The following EGFR variants were observed in gnomAD, a reference collection of about 807,000 sequenced individuals.
EGFR encodes the protein avian erythroblastic leukemia viral (v-erb-b) oncogene homolog.
Under a neutral mutation model 143.0 loss-of-function variants are expected in EGFR, and 58 were observed. That is an observed-to-expected ratio of 0.41 (90% confidence interval 0.33 to 0.50). The LOEUF is 0.50. Among genes scored for constraint, EGFR ranks in the 20% least tolerant of loss-of-function variants. The pLI is 0.39. For synonymous variants in EGFR, 613 were observed against 594.4 expected (o/e 1.03, Z -0.45); for missense variants, 1,307 against 1,579.0 (o/e 0.83, Z 2.92).
At chr7:55,123,562 AG>A (rs1455606950) in intron 1 of EGFR, among the ~76,000 whole-genome samples, 1 of 152,094 alleles carries the variant, frequency 6.6e-6, no homozygotes, top group African/African-American at 2.4e-5. Context: ...ATATCTTCAG[AG>A]TCTACTGGTG....
intron 12 of EGFR, among the ~76,000 whole-genome samples, chr7:55,161,126 CA>C (rs1474870715): frequency 2.0e-5 from 3 of 152,214 alleles, no homozygotes; most frequent in Non-Finnish European, 2.9e-5. Flanking sequence ...GTTCCTTCAG[CA>C]GGGGCAGTGG....
At chr7:55,194,173 C>T (rs1444251563) in intron 22 of EGFR, among the ~76,000 whole-genome samples, 1 of 152,094 alleles carries the variant, frequency 6.6e-6, no homozygotes, top group African/African-American at 2.4e-5. Flanking sequence ...TCCCCTCTTC[C>T]CACTTGCTCC....
At chr7:55,093,357 G>A (rs1791243260) in intron 1 of EGFR, among the ~76,000 whole-genome samples, 1 of 152,184 alleles carries the variant, frequency 6.6e-6, no homozygotes, top group South Asian at 2.1e-4. Flanking sequence ...GTTGGGAATT[G>A]TGCTGTTCAT....
chr7:55,056,786 A>T (rs972672091), intron 1 of EGFR, among the ~76,000 whole-genome samples: 6 of 152,250 alleles, frequency 3.9e-5, no homozygotes, highest in Admixed American at 3.3e-4. Flanking sequence ...ATTGGATCCA[A>T]ATTCCACATG....
chr7:55,126,220 T>C (rs1486920750), intron 1 of EGFR, among the ~76,000 whole-genome samples: 1 of 152,228 alleles, frequency 6.6e-6, no homozygotes, highest in African/African-American at 2.4e-5. Flanking sequence ...ATTCAGTGAA[T>C]GTCTGTCTCC....
chr7:55,192,629 CGGGCCTGGGGGACG>C, intron 21 of EGFR, 123 bp from the exon 22 acceptor site: 1 of 780,780 alleles, frequency 1.3e-6, no homozygotes, highest in Non-Finnish European at 2.2e-6. Flanking sequence ...GAGGAGGCGC[CGGGCCTGGGGGACG>C]GGTCCTGGGG....
chr7:55,183,849 T>C (rs944603415), intron 20 of EGFR, among the ~76,000 whole-genome samples: 2 of 152,184 alleles, frequency 1.3e-5, no homozygotes, highest in African/African-American at 4.8e-5. Context: ...CCTTCCTCCG[T>C]TCATCAGAGG....
At chr7:55,170,647 C>T in intron 15 of EGFR, 1 of 1,598,784 alleles carries the variant, frequency 6.3e-7, no homozygotes, top group Non-Finnish European at 8.5e-7. Context: ...TCCTTCCTTC[C>T]ACTCCCTTTG....
chr7:55,073,354 A>AT (rs1395986530), intron 1 of EGFR, among the ~76,000 whole-genome samples: 1 of 152,046 alleles, frequency 6.6e-6, no homozygotes, highest in Non-Finnish European at 1.5e-5. Flanking sequence ...TTCCCAGGGG[A>AT]TTTTTTTGTG....
At chr7:55,063,465 A>G (rs1789312156) in intron 1 of EGFR, among the ~76,000 whole-genome samples, 1 of 152,242 alleles carries the variant, frequency 6.6e-6, no homozygotes, top group Non-Finnish European at 1.5e-5. Context: ...TTAAAAGACC[A>G]GGTGTATGGG....
intron 1 of EGFR, among the ~76,000 whole-genome samples, chr7:55,136,222 T>C (rs1013778220): frequency 3.3e-5 from 5 of 152,242 alleles, no homozygotes; most frequent in East Asian, 1.9e-4. Flanking sequence ...ATAAATGAAC[T>C]ATCCATTCAT....
chr7:55,081,630 T>A (rs1790466626), intron 1 of EGFR, among the ~76,000 whole-genome samples: 1 of 152,100 alleles, frequency 6.6e-6, no homozygotes, highest in Non-Finnish European at 1.5e-5. Context: ...AAGCAGGCTA[T>A]TACCAAATCA....
At chr7:55,100,925 T>C (rs1400427255) in intron 1 of EGFR, among the ~76,000 whole-genome samples, 1 of 152,248 alleles carries the variant, frequency 6.6e-6, no homozygotes, top group Non-Finnish European at 1.5e-5. Flanking sequence ...TAAACTGTCA[T>C]AAAAAATTGC....
At chr7:55,190,261 C>T (rs901506054) in intron 20 of EGFR, among the ~76,000 whole-genome samples, 18 of 152,046 alleles carry the variant, frequency 1.2e-4, no homozygotes, top group African/African-American at 4.3e-4. Flanking sequence ...ATCGGAAACC[C>T]GTAGGAGCGC....
At chr7:55,170,763 G>A in intron 15 of EGFR, 1 of 1,453,050 alleles carries the variant, frequency 6.9e-7, no homozygotes, top group Non-Finnish European at 9.0e-7. Context: ...TCAGAAACCT[G>A]CAGGGACTCC....
intron 25 of EGFR, 98 bp downstream of exon 25, chr7:55,201,453 G>T (rs2128972012): frequency 6.5e-7 from 1 of 1,532,174 alleles, no homozygotes; most frequent in East Asian, 2.3e-5. Context: ...AACTCACATG[G>T]ATATGAAGTC....
chr7:55,142,867 C>T lies in EGFR; in HGVS notation c.240+430C>T, dbSNP rs1794541901. Among the ~76,000 whole-genome samples, 3 of 152,298 alleles carry T rather than the reference C, an allele frequency of 2.0e-5. No individual in the cohort carries two copies. The South Asian group carries it at 6.2e-4, about 32-fold the overall frequency. On this transcript the variant is annotated intron_variant, in intron 2 of 27. Transcript: ENST00000275493. ...CTTATTTCACGATAGGCGCTAATGA[C>T]CCCATAGGAGCCAGCTCTGAAGGCT...
chr7:55,068,428 A>T (rs1045557343), intron 1 of EGFR, among the ~76,000 whole-genome samples: 1 of 152,100 alleles, frequency 6.6e-6, no homozygotes, highest in Non-Finnish European at 1.5e-5. Flanking sequence ...TTCCTTGACT[A>T]TGGTTATTTC....
At chr7:55,117,357 GC>G (rs1380286608) in intron 1 of EGFR, among the ~76,000 whole-genome samples, 1 of 152,110 alleles carries the variant, frequency 6.6e-6, no homozygotes, top group Non-Finnish European at 1.5e-5. Context: ...GAAAGACATA[GC>G]AGTCTACAAG....
Sources: allele counts gnomAD v4.1 joint callset (sites outside exome capture counted in the v4.1 genomes callset), GRCh38; gene constraint gnomAD v4.1.1; transcripts MANE v1.5; gene names NCBI Gene and HGNC (gene_info 2026-07-23, HGNC 2026-07-21).